CSNK2A1: variants seen among roughly 807,000 people sequenced by gnomAD.
CSNK2A1 encodes the protein casein kinase 2 alpha 1.
CSNK2A1 carries 10 observed loss-of-function variants against 62.9 expected under a neutral mutation model. That is an observed-to-expected ratio of 0.16 (90% CI 0.10 to 0.27). The LOEUF is 0.27. Ranked by LOEUF, CSNK2A1 falls within the 10% of genes least tolerant of loss-of-function variation. The pLI is 1.00. For missense variants in CSNK2A1, 160 were observed against 492.0 expected, an observed-to-expected ratio of 0.33 and a Z score of 6.38; for synonymous variants, 124 against 167.8, an observed-to-expected ratio of 0.74 and a Z score of 2.02.
At chr20:505,006 A>C (rs1308671661) in intron 4 of CSNK2A1, 112 bp downstream of exon 4, 5 of 850,522 alleles carry the variant, frequency 5.9e-6, no homozygotes, top group Non-Finnish European at 9.0e-6. Context: ...ATAAAATTTT[A>C]TTTATTTGCT....
intron 2 of CSNK2A1, among the ~76,000 whole-genome samples, chr20:518,823 G>A (rs1220306948): frequency 6.6e-6 from 1 of 151,354 alleles, no homozygotes; most frequent in Non-Finnish European, 1.5e-5. Flanking sequence ...CCAAAGTGCT[G>A]GGATTACAGG....
chr20:507,642 T>C (rs1325402858), intron 3 of CSNK2A1: 1 of 152,186 alleles, frequency 6.6e-6, no homozygotes, highest in East Asian at 1.9e-4. Flanking sequence ...TAAGGGCAAA[T>C]GTTTAAGAAT....
At chr20:540,523 A>T (rs1469912500) in intron 1 of CSNK2A1, among the ~76,000 whole-genome samples, 1 of 152,094 alleles carries the variant, frequency 6.6e-6, no homozygotes, top group Admixed American at 6.5e-5. Context: ...CCATATTGCT[A>T]CTAAAAGTAT....
At chr20:541,581 T>C (rs535043504) in intron 1 of CSNK2A1, among the ~76,000 whole-genome samples, 2 of 152,318 alleles carry the variant, frequency 1.3e-5, no homozygotes, top group Admixed American at 1.3e-4. Context: ...TCACTCTGGA[T>C]GAGTGAGTAG....
chr20:472,726 T>C lies in CSNK2A1; in HGVS notation c.*11235A>G, dbSNP rs1347250614. ...GGACACAGGAATAAACAAATTTATC[T>C]AGGTAAGTTCCTATACAACTCCCCT... On this transcript the variant is annotated 3_prime_UTR_variant, in exon 14 of 14. Coordinates refer to ENST00000217244, the MANE Select transcript of CSNK2A1 (RefSeq NM_177559.3). 1 of 152,280 alleles carries C rather than the reference T, an allele frequency of 6.6e-6. No individual in the cohort carries two copies. Among genetic ancestry groups the C allele is most frequent in the African/African-American group, 2.4e-5 (1 of 41,480 alleles). 9.4% of individuals were successfully genotyped at this position (152,280 alleles called of 1,614,324 possible). A position where few individuals can be genotyped will look rare whatever the true frequency, so the allele number is the denominator to read the frequency against.
At chr20:490,323 G>C (rs1267142451) in intron 9 of CSNK2A1, among the ~76,000 whole-genome samples, 2 of 88,668 alleles carry the variant, frequency 2.3e-5, no homozygotes, top group Non-Finnish European at 4.5e-5. Flanking sequence ...CACCGTGCCT[G>C]GCTAGTTTTT....
chr20:524,708 CAAAAAA>C (rs56228720), intron 2 of CSNK2A1, among the ~76,000 whole-genome samples: 2,285 of 83,232 alleles, frequency 0.027, 45 homozygotes, highest in African/African-American at 0.095. Flanking sequence ...GACTCCATCT[CAAAAAA>C]AAAAAAAAAA....
rs1397033200 is a variant in CSNK2A1, at chr20:526,973, G to GAGAGAGAGAGAA, written c.-110+948_-110+959dup. The GAGAGAGAGAGAA allele has an allele frequency of 2.9e-5, 4 of 139,458 alleles. No homozygotes were observed. The South Asian group carries it at 9.2e-4, about 32-fold the overall frequency. 8.6% of individuals were successfully genotyped at this position (139,458 alleles called of 1,614,324 possible). On this transcript the variant is annotated intron_variant, in intron 2 of 13. Coordinates refer to ENST00000217244, the MANE Select transcript of CSNK2A1 (RefSeq NM_177559.3). ...TCAAAAAAAGAAAGAAAGAATGAGAGAGAGAGAGAGAAAGAGAGAGAGACA... is the reference window on the plus strand; with the variant it reads ...TCAAAAAAAGAAAGAAAGAATGAGAGAGAGAGAGAGAAAGAGAGAGAGAAAGAGAGAGAGACA...
chr20:512,976 G>T (rs543021553), intron 2 of CSNK2A1, among the ~76,000 whole-genome samples: 1 of 152,264 alleles, frequency 6.6e-6, no homozygotes, highest in Non-Finnish European at 1.5e-5. Context: ...TGGTGACTCT[G>T]TGACTACTAT....
Position 476,928 on chromosome 20 carries a change from T to C in CSNK2A1, c.*7033A>G, listed in dbSNP as rs6116174. The stretch of plus-strand genomic sequence containing the variant: ...CTTTTACAGACAGGGTCTCACTCTG[T>C]TGCTCAGTCTGGGGTGCAGTGGCAC... On this transcript the variant is annotated 3_prime_UTR_variant, in exon 14 of 14. Coordinates refer to ENST00000217244, the MANE Select transcript of CSNK2A1 (RefSeq NM_177559.3). 3,224 of 152,404 alleles carry C rather than the reference T, an allele frequency of 0.021. 130 individuals carry two copies. The highest frequency in any genetic ancestry group is 0.073 in the African/African-American group (3,040 of 41,522). The allele number at this position is 152,404 out of a possible 1,614,324, so 9.4% of individuals were successfully genotyped here. A position where few individuals can be genotyped will look rare whatever the true frequency, so the allele number is the denominator to read the frequency against.
At chr20:519,247 TACTTTTA>T (rs1441713543) in intron 2 of CSNK2A1, among the ~76,000 whole-genome samples, 2 of 152,222 alleles carry the variant, frequency 1.3e-5, no homozygotes, top group African/African-American at 4.8e-5. Context: ...CAGTTTGATA[TACTTTTA>T]ATTGGTACTA....
chr20:529,326 A>G (rs1420371453), intron 1 of CSNK2A1, among the ~76,000 whole-genome samples: 1 of 151,912 alleles, frequency 6.6e-6, no homozygotes, highest in African/African-American at 2.4e-5. Context: ...GCACCCAGCC[A>G]TGTTTTAAAT....
At chr20:526,711 T>C (rs967393641) in intron 2 of CSNK2A1, 5 of 151,298 alleles carry the variant, frequency 3.3e-5, no homozygotes, top group South Asian at 2.1e-4. Context: ...ATCCCAGCAC[T>C]TTGGGAGGCT....
chr20:530,419 G>A (rs1236440063), intron 1 of CSNK2A1, among the ~76,000 whole-genome samples: 1 of 150,914 alleles, frequency 6.6e-6, no homozygotes, highest in Non-Finnish European at 1.5e-5. Flanking sequence ...TGGCTACTAT[G>A]AAATAATGTC....
chr20:507,501 C>G (rs959488623), intron 3 of CSNK2A1: 5 of 152,156 alleles, frequency 3.3e-5, no homozygotes, highest in Admixed American at 1.3e-4. Flanking sequence ...CACATTGGGA[C>G]AGGAAATGCA....
At chr20:528,712 T>C (rs1261435770) in intron 1 of CSNK2A1, among the ~76,000 whole-genome samples, 1 of 152,168 alleles carries the variant, frequency 6.6e-6, no homozygotes, top group Non-Finnish European at 1.5e-5. Flanking sequence ...TCCTCCTACC[T>C]TGGCCTCCCA....
At chr20:511,383 G>C (rs1454516994) in intron 2 of CSNK2A1, among the ~76,000 whole-genome samples, 1 of 152,068 alleles carries the variant, frequency 6.6e-6, no homozygotes, top group Admixed American at 6.5e-5. Flanking sequence ...TAAACCTAAA[G>C]CTCAGTTGCA....
intron 1 of CSNK2A1, among the ~76,000 whole-genome samples, chr20:534,789 G>A (rs1234236610): frequency 6.6e-6 from 1 of 151,660 alleles, no homozygotes; most frequent in Non-Finnish European, 1.5e-5. Flanking sequence ...AGCACTTTGG[G>A]AGGCCGAGAT....
chr20:493,953 C>A (rs1286955952), intron 8 of CSNK2A1, among the ~76,000 whole-genome samples: 2 of 151,568 alleles, frequency 1.3e-5, no homozygotes, highest in African/African-American at 4.8e-5. Flanking sequence ...AATACTACTT[C>A]ATAATAATAT....
Sources: gnomAD v4.1 joint callset for allele counts (sites outside exome capture counted in the v4.1 genomes callset) on GRCh38, gnomAD v4.1.1 for gene constraint, MANE v1.5 for transcripts, NCBI Gene and HGNC (gene_info 2026-07-23, HGNC 2026-07-21) for gene names.